The following MAP3K8 variants were observed in gnomAD, a reference collection of about 807,000 sequenced individuals.
The protein encoded by MAP3K8 is Ewing sarcoma transformant.
A neutral mutation model predicts 45.8 loss-of-function variants in MAP3K8; 22 were observed. That is an observed-to-expected ratio of 0.48 (90% CI 0.34 to 0.69). The LOEUF is 0.69. Among genes scored for constraint, MAP3K8 ranks in the 30% least tolerant of loss-of-function variants. The probability of loss-of-function intolerance (pLI) is 0.01; values close to 1 mark genes in which losing one functional copy is unlikely to be tolerated. For missense variants in MAP3K8, 419 were observed against 585.0 expected (o/e 0.72, Z 2.93); for synonymous variants, 223 against 214.3 (o/e 1.04, Z -0.36).
At chr10:30,438,749 A>C (rs1835994300) in intron 2 of MAP3K8, 167 bp from the exon 3 acceptor site, 1 of 537,630 alleles carries the variant, frequency 1.9e-6, no homozygotes, top group South Asian at 2.3e-5. Context: ...GGTCCCTTTC[A>C]ACTCTGCACT....
At chr10:30,435,619 C>T (rs1025634343) in intron 1 of MAP3K8, among the ~76,000 whole-genome samples, 1 of 152,210 alleles carries the variant, frequency 6.6e-6, no homozygotes, top group Non-Finnish European at 1.5e-5. Flanking sequence ...ATGGCGCGAT[C>T]TCGGCTCACT....
At position 30,461,128 on chromosome 10, in the gene MAP3K8, T is replaced by C. The variant is rs1023479397; in HGVS notation, c.*292T>C. On this transcript the variant is annotated 3_prime_UTR_variant, in exon 9 of 9. Transcript: ENST00000263056. ...TGACTGTTTCATTCACTGTGCACTT[T>C]GCTCAAAATTTTAAAAATACCAATC... The C allele has an allele frequency of 3.2e-6, 1 of 313,458 alleles. No homozygotes were observed. The highest frequency in any genetic ancestry group is 2.1e-5 in the African/African-American group (1 of 47,218). 19.4% of individuals were successfully genotyped at this position (313,458 alleles called of 1,614,324 possible). A position where few individuals can be genotyped will look rare whatever the true frequency, so the allele number is the denominator to read the frequency against.
At position 30,439,053 on chromosome 10, in the gene MAP3K8, C is replaced by G. The variant is rs1356621670; in HGVS notation, c.115C>G (p.Pro39Ala). ...IMENLYASEE[P>A]AVYEPSLMTM... ...GGAAAATCTTTATGCAAGTGAAGAG[C>G]CAGCAGTTTATGAACCCAGTCTAAT... The change falls in exon 3 of 9, where the codon CCA becomes GCA. Residue 39 changes from proline to alanine, a missense_variant. Pro to Ala is a conservative substitution (Grantham distance 27, BLOSUM62 -1). Transcript: ENST00000263056. 1.2e-6 allele frequency: 2 copies of G among 1,614,022 alleles called. No individual in the cohort carries two copies. The highest frequency in any genetic ancestry group is 1.7e-5 in the Admixed American group (1 of 60,016).
At chr10:30,460,390 C>G (rs113409853) in intron 8 of MAP3K8, among the ~76,000 whole-genome samples, 7 of 152,214 alleles carry the variant, frequency 4.6e-5, no homozygotes, top group African/African-American at 1.7e-4. Context: ...AGGTCCAAAC[C>G]GAGATGTCAA....
At chr10:30,453,244 A>T (rs77056539) in intron 6 of MAP3K8, among the ~76,000 whole-genome samples, 1,898 of 152,200 alleles carry the variant, frequency 0.012, 36 homozygotes, top group African/African-American at 0.042. Flanking sequence ...TTATAATATT[A>T]CATACATTAT....
Position 30,438,631 on chromosome 10 carries a change from G to A in MAP3K8, c.-23-285G>A, listed in dbSNP as rs928905591. On this transcript the variant is annotated intron_variant, in intron 2 of 8. Transcript: ENST00000263056. ...TGATTCGTGTGTATGTTTAGTGAAA[G>A]TTTGTTTTCAGTGCCTGTAGCTGAT... Among the ~76,000 whole-genome samples, 38 of 152,166 alleles carry A rather than the reference G, an allele frequency of 2.5e-4. 1 individual carries two copies. Among genetic ancestry groups the A allele is most frequent in the African/African-American group, 8.9e-4 (37 of 41,444 alleles).
intron 3 of MAP3K8, among the ~76,000 whole-genome samples, chr10:30,441,310 C>G (rs760099864): frequency 2.0e-5 from 3 of 152,140 alleles, no homozygotes; most frequent in Non-Finnish European, 4.4e-5. Flanking sequence ...GCCTCTGCCA[C>G]CATACCCGGC....
At position 30,446,183 on chromosome 10, in the gene MAP3K8, G is replaced by A. The variant is rs191465656; in HGVS notation, c.337-1599G>A. On this transcript the variant is annotated intron_variant, in intron 3 of 8. Transcript: ENST00000263056. ...GCTGGGATTATAGGCGTGAGCCACCGCACCTAGTTGTTCAGCTTCTTCTGT... is the reference window on the plus strand; with the variant it reads ...GCTGGGATTATAGGCGTGAGCCACCACACCTAGTTGTTCAGCTTCTTCTGT... Among the ~76,000 whole-genome samples, 13 of 152,202 alleles carry A rather than the reference G, an allele frequency of 8.5e-5. No homozygotes were observed. In the East Asian group the frequency reaches 2.5e-3, roughly 29 times the overall value.
chr10:30,458,268 C>CA, intron 7 of MAP3K8, 32 bp downstream of exon 7: 3 of 439,430 alleles, frequency 6.8e-6, no homozygotes, highest in Non-Finnish European at 1.1e-5. Context: ...CTGGGGGCGG[C>CA]GGGGGGGGGC....
At chr10:30,446,489 C>T (rs891662893) in intron 3 of MAP3K8, among the ~76,000 whole-genome samples, 3 of 149,466 alleles carry the variant, frequency 2.0e-5, no homozygotes, top group Non-Finnish European at 4.4e-5. Context: ...GAGCCAAGAT[C>T]GTGCCATTGC....
intron 1 of MAP3K8, chr10:30,434,664 G>T (rs306588): frequency 2.0e-6 from 2 of 985,334 alleles, no homozygotes; most frequent in Non-Finnish European, 2.4e-6. Flanking sequence ...TCTGGGCAGT[G>T]CGCGGGGAAG....
Position 30,450,383 on chromosome 10 carries a change from C to A in MAP3K8, c.630C>A (p.Gly210=), listed in dbSNP as rs377297760. 5.0e-6 allele frequency: 8 copies of A among 1,613,918 alleles called. No homozygotes were observed. The highest frequency in any genetic ancestry group is 5.1e-6 in the Non-Finnish European group (6 of 1,179,986). ...GETVHLFMEA[G]EGGSVLEKLE... ...CTGTCCATCTCTTTATGGAAGCAGG[C>A]GAGGGAGGGTCTGTTCTGGAGAAAC... Residue 210 remains glycine (G), a synonymous_variant, in exon 5 of 9, where the codon GGC becomes GGA. Coordinates refer to ENST00000263056, the MANE Select transcript of MAP3K8 (RefSeq NM_005204.4).
chr10:30,458,867 A>G (rs896387503), intron 7 of MAP3K8, among the ~76,000 whole-genome samples: 55 of 152,186 alleles, frequency 3.6e-4, no homozygotes, highest in African/African-American at 1.1e-3. Flanking sequence ...TTGAGCCCAG[A>G]AATTCAAGAC....
At chr10:30,437,846 A>G (rs1054752234) in intron 2 of MAP3K8, among the ~76,000 whole-genome samples, 7 of 152,216 alleles carry the variant, frequency 4.6e-5, no homozygotes, top group African/African-American at 1.7e-4. Flanking sequence ...GAAAGAGGCT[A>G]TGCTTTTGGG....
At chr10:30,441,160 C>CTTT (rs11331000) in intron 3 of MAP3K8, among the ~76,000 whole-genome samples, 2 of 144,356 alleles carry the variant, frequency 1.4e-5, no homozygotes, top group Admixed American at 7.0e-5. Context: ...AAGGAGAATT[C>CTTT]TTTTTTTTTT....
At chr10:30,457,266 G>C (rs1483960815) in intron 6 of MAP3K8, among the ~76,000 whole-genome samples, 1 of 152,158 alleles carries the variant, frequency 6.6e-6, no homozygotes, top group African/African-American at 2.4e-5. Context: ...TAATATGGCT[G>C]CATTTAATAT....
intron 4 of MAP3K8, 32 bp from the exon 5 acceptor site, chr10:30,450,226 T>C (rs1346235144): frequency 6.4e-7 from 1 of 1,552,682 alleles, no homozygotes; most frequent in Non-Finnish European, 8.7e-7. Context: ...TTTGGGGTTA[T>C]TTAGAATCTC....
Position 30,439,142 on chromosome 10 carries a change from A to G in MAP3K8, c.204A>G (p.Gln68=). The change falls in exon 3 of 9, where the codon CAA becomes CAG. Residue 68 remains glutamine, a synonymous_variant. Transcript: ENST00000263056. ...ERSKSLLLSG[Q]EVPWLSSVRY... ...CTAAGTCTCTGCTGCTTAGTGGCCA[A>G]GAGGTACCATGGTTGTCATCAGTCA... 1.2e-6 allele frequency: 2 copies of G among 1,614,254 alleles called. No individual in the cohort carries two copies. Among genetic ancestry groups the G allele is most frequent in the Non-Finnish European group, 1.7e-6 (2 of 1,180,034 alleles).
intron 3 of MAP3K8, among the ~76,000 whole-genome samples, chr10:30,440,922 C>T (rs144731549): frequency 1.4e-4 from 21 of 152,062 alleles, no homozygotes; most frequent in African/African-American, 4.6e-4. Context: ...TTGCTTATTC[C>T]GTGGCCTATC....
Sources: allele counts gnomAD v4.1 joint callset (sites outside exome capture counted in the v4.1 genomes callset), GRCh38; gene constraint gnomAD v4.1.1; transcripts MANE v1.5; gene names NCBI Gene and HGNC (gene_info 2026-07-23, HGNC 2026-07-21).